The following PHTF2 variants were observed in gnomAD, a reference collection of about 807,000 sequenced individuals.
The protein encoded by PHTF2 is protein PHTF2.
A neutral mutation model predicts 101.2 loss-of-function variants in PHTF2; 60 were observed. The observed-to-expected ratio is 0.59, with a 90% CI of 0.48 to 0.73. The LOEUF is 0.73. Ranked by LOEUF, PHTF2 falls within the 30% of genes least tolerant of loss-of-function variation. PHTF2 has a pLI of 0.00. For missense variants in PHTF2, 747 were observed against 908.7 expected, an observed-to-expected ratio of 0.82 and a Z score of 2.29; for synonymous variants, 311 against 307.3, an observed-to-expected ratio of 1.01 and a Z score of -0.13.
At chr7:77,865,651 T>C (rs1044836632) in intron 3 of PHTF2, among the ~76,000 whole-genome samples, 4 of 152,360 alleles carry the variant, frequency 2.6e-5, no homozygotes, top group African/African-American at 9.6e-5. Context: ...GTAAGAATCA[T>C]TATCTTTATA....
At chr7:77,878,422 G>C (rs1398241459) in intron 3 of PHTF2, among the ~76,000 whole-genome samples, 1 of 152,036 alleles carries the variant, frequency 6.6e-6, no homozygotes, top group Non-Finnish European at 1.5e-5. Flanking sequence ...ACCAATTTTA[G>C]TTTTACAATA....
chr7:77,866,834 C>T (rs758612769), intron 3 of PHTF2, among the ~76,000 whole-genome samples: 1 of 152,050 alleles, frequency 6.6e-6, no homozygotes, highest in Non-Finnish European at 1.5e-5. Context: ...GTGCTGTAGC[C>T]TTGATTTATA....
intron 4 of PHTF2, 37 bp from the exon 4 acceptor site, chr7:77,893,945 T>G: frequency 6.5e-7 from 1 of 1,540,008 alleles, no homozygotes; most frequent in Non-Finnish European, 9.0e-7. Flanking sequence ...TCTAGTTTGC[T>G]TTTTCTCCCT....
At chr7:77,913,937 G>A (rs1020650476) in intron 9 of PHTF2, among the ~76,000 whole-genome samples, 2 of 151,842 alleles carry the variant, frequency 1.3e-5, no homozygotes, top group African/African-American at 2.4e-5. Flanking sequence ...ATAGTGGCAC[G>A]TGCCTGTAAT....
At chr7:77,876,397 T>A (rs1024416852) in intron 3 of PHTF2, among the ~76,000 whole-genome samples, 1 of 152,226 alleles carries the variant, frequency 6.6e-6, no homozygotes, top group Non-Finnish European at 1.5e-5. Flanking sequence ...TAAATTCAAT[T>A]TTTATAAATG....
chr7:77,806,332 A>G (rs1354628525), intron 1 of PHTF2, among the ~76,000 whole-genome samples: 1 of 152,068 alleles, frequency 6.6e-6, no homozygotes, highest in Non-Finnish European at 1.5e-5. Flanking sequence ...TGCATTATGT[A>G]TTTTGAAGTT....
chr7:77,954,519 A>G (rs1360456533), intron 19 of PHTF2, among the ~76,000 whole-genome samples: 7 of 150,722 alleles, frequency 4.6e-5, no homozygotes, highest in African/African-American at 1.7e-4. Context: ...CAAAAGTTGT[A>G]TTATTTATCT....
At chr7:77,917,728 A>G (rs1404143827) in intron 9 of PHTF2, among the ~76,000 whole-genome samples, 2 of 152,146 alleles carry the variant, frequency 1.3e-5, no homozygotes, top group Non-Finnish European at 2.9e-5. Context: ...ATTGACTATC[A>G]CTGGGCTGCT....
intron 3 of PHTF2, among the ~76,000 whole-genome samples, chr7:77,879,822 C>T (rs1325504516): frequency 2.0e-5 from 3 of 152,100 alleles, no homozygotes; most frequent in East Asian, 3.9e-4. Flanking sequence ...TGAGCAGTGG[C>T]AGTTGCTTTC....
intron 3 of PHTF2, among the ~76,000 whole-genome samples, chr7:77,871,603 C>G (rs2150716576): frequency 6.6e-6 from 1 of 152,294 alleles, no homozygotes; most frequent in Middle Eastern, 3.4e-3. Flanking sequence ...ACCTGTGAAT[C>G]CTGGCTATTG....
At chr7:77,892,948 T>C (rs1471139600) in intron 3 of PHTF2, among the ~76,000 whole-genome samples, 3 of 152,246 alleles carry the variant, frequency 2.0e-5, no homozygotes, top group Non-Finnish European at 2.9e-5. Flanking sequence ...AGTACTTGTC[T>C]TCTTTAAAAA....
chr7:77,835,141 G>T (rs987296325), intron 1 of PHTF2, among the ~76,000 whole-genome samples: 5 of 152,002 alleles, frequency 3.3e-5, no homozygotes, highest in Admixed American at 3.3e-4. Context: ...AGGCGTGGTG[G>T]TGGGCGCCTG....
intron 1 of PHTF2, among the ~76,000 whole-genome samples, chr7:77,800,322 G>A (rs1792434890): frequency 1.3e-5 from 2 of 152,224 alleles, no homozygotes; most frequent in Admixed American, 6.5e-5. Flanking sequence ...AATGAGCCAT[G>A]TCTGGGGCCA....
rs73375902 is a variant in PHTF2 at position 77,951,725 on chromosome 7, C to A, written c.2211+13C>A. 1 of 1,092,826 alleles carries A rather than the reference C, an allele frequency of 9.2e-7. No homozygotes were observed. The highest frequency in any genetic ancestry group is 1.3e-6 in the Non-Finnish European group (1 of 754,136). The allele number at this position is 1,092,826 out of a possible 1,614,324, so 67.7% of individuals were successfully genotyped here. ...TAAACTGCTAAAGGTAAGAATAGAA[C>A]TGAAAATGGTTATAATGTCAAATAT... On this transcript the variant is annotated intron_variant, in intron 18 of 19. Transcript: ENST00000416283.
In PHTF2 at chr7:77,830,134, G is replaced by A. The variant is rs138464006; in HGVS notation, c.-35-10087G>A. 8.2e-3 allele frequency among the ~76,000 whole-genome samples: 1,247 copies of A among 152,228 alleles called. 5 individuals are homozygous for A. Among genetic ancestry groups the A allele is most frequent in the Non-Finnish European group, 0.013 (917 of 68,006 alleles). ...AGACATTGGACTGCTCTCAAAGAAC[G>A]TGTGGGTGGGAGGTGGGGGCACATA... On this transcript the variant is annotated intron_variant, in intron 1 of 19. Transcript: ENST00000416283.
At chr7:77,919,552 A>T (rs1803249867) in intron 9 of PHTF2, among the ~76,000 whole-genome samples, 1 of 151,852 alleles carries the variant, frequency 6.6e-6, no homozygotes, top group Non-Finnish European at 1.5e-5. Flanking sequence ...TTTGAAGAGG[A>T]CTCCTCAAGT....
At chr7:77,868,313 TA>T (rs1184317496) in intron 3 of PHTF2, among the ~76,000 whole-genome samples, 68 of 137,806 alleles carry the variant, frequency 4.9e-4, no homozygotes, top group African/African-American at 1.7e-3. Context: ...AGTGGCTAAT[TA>T]AAAAAAAATT....
intron 7 of PHTF2, among the ~76,000 whole-genome samples, chr7:77,907,197 A>G (rs1182860148): frequency 1.3e-5 from 2 of 152,206 alleles, no homozygotes; most frequent in Non-Finnish European, 2.9e-5. Flanking sequence ...CCAGACTGTT[A>G]TGGAATAACT....
At chr7:77,822,945 C>A (rs911247705) in intron 1 of PHTF2, among the ~76,000 whole-genome samples, 2 of 149,612 alleles carry the variant, frequency 1.3e-5, no homozygotes, top group African/African-American at 4.9e-5. Flanking sequence ...CGCTCTGTCG[C>A]CCAGGCTGGA....
Sources: allele counts gnomAD v4.1 joint callset (sites outside exome capture counted in the v4.1 genomes callset), GRCh38; gene constraint gnomAD v4.1.1; transcripts MANE v1.5; gene names NCBI Gene and HGNC (gene_info 2026-07-23, HGNC 2026-07-21).